The following PTPRN2 variants were observed in gnomAD, a reference collection of about 807,000 sequenced individuals.
The protein encoded by PTPRN2 is protein tyrosine phosphatase receptor type N2.
Under a neutral mutation model 118.8 loss-of-function variants are expected in PTPRN2, and 74 were observed. The ratio of observed to expected loss-of-function variants is 0.62; its 90% CI spans 0.52 to 0.76. The LOEUF is 0.76. Ranked by LOEUF, PTPRN2 falls within the 30% of genes least tolerant of loss-of-function variation. PTPRN2 has a pLI of 0.00. For missense variants in PTPRN2, 1,481 were observed against 1,394.4 expected (o/e 1.06, Z -0.99); for synonymous variants, 641 against 608.0 (o/e 1.05, Z -0.80).
At position 158,567,626 on chromosome 7, in the gene PTPRN2, G is replaced by C. The variant is rs368471532; in HGVS notation, c.112+19932C>G. The stretch of plus-strand genomic sequence containing the variant: ...CTGATTGGAAACACAGGGGAAAGCT[G>C]TCTTGGGCGGGGACATGGCCCTCGA... On this transcript the variant is annotated intron_variant, in intron 1 of 22. Transcript: ENST00000389418. Among the ~76,000 whole-genome samples, 22 of 152,322 alleles carry C rather than the reference G, an allele frequency of 1.4e-4. No homozygotes were observed. In the East Asian group the frequency reaches 3.7e-3, roughly 25 times the overall value.
At chr7:158,153,182 C>A (rs1217484992) in intron 6 of PTPRN2, among the ~76,000 whole-genome samples, 1 of 152,156 alleles carries the variant, frequency 6.6e-6, no homozygotes, top group East Asian at 1.9e-4. Context: ...ATCAAGCATT[C>A]GGACTCCAGG....
intron 3 of PTPRN2, among the ~76,000 whole-genome samples, chr7:158,244,558 T>TG (rs397698213): frequency 2.0e-5 from 3 of 150,506 alleles, no homozygotes; most frequent in Non-Finnish European, 3.0e-5. Context: ...TTTGTGTGTG[T>TG]TTTGTGTGAA....
intron 3 of PTPRN2, 136 bp downstream of exon 3, chr7:158,316,683 G>A (rs904020481): frequency 3.1e-5 from 20 of 652,592 alleles, no homozygotes; most frequent in South Asian, 8.0e-5. Context: ...CCCAGCGCCC[G>A]GCTCCCACCT....
At chr7:157,684,612 C>T (rs1341947528) in intron 12 of PTPRN2, among the ~76,000 whole-genome samples, 2 of 151,312 alleles carry the variant, frequency 1.3e-5, no homozygotes, top group South Asian at 2.1e-4. Context: ...CGCCCCCCTC[C>T]CTCCGGCCCA....
At chr7:158,069,914 C>G (rs975119691) in intron 11 of PTPRN2, among the ~76,000 whole-genome samples, 1 of 152,236 alleles carries the variant, frequency 6.6e-6, no homozygotes, top group Non-Finnish European at 1.5e-5. Flanking sequence ...ACTATTGGCC[C>G]TAGCTGACAG....
chr7:158,185,193 C>A (rs1489152590), intron 5 of PTPRN2, among the ~76,000 whole-genome samples: 1 of 151,992 alleles, frequency 6.6e-6, no homozygotes, highest in East Asian at 1.9e-4. Flanking sequence ...TAATAATCTG[C>A]AGTTTTCTTT....
At chr7:157,965,908 C>T (rs1355674871) in intron 11 of PTPRN2, among the ~76,000 whole-genome samples, 1 of 152,190 alleles carries the variant, frequency 6.6e-6, no homozygotes. Context: ...AGGAAGCCCT[C>T]GAGAGCCACT....
chr7:157,672,549 G>A lies in PTPRN2; in HGVS notation c.2001+10176C>T, dbSNP rs1243791213. Among the ~76,000 whole-genome samples, 3 of 152,114 alleles carry A rather than the reference G, an allele frequency of 2.0e-5. No homozygotes were observed. The East Asian group carries it at 5.8e-4, about 29-fold the overall frequency. On this transcript the variant is annotated intron_variant, in intron 13 of 22. Transcript: ENST00000389418. ...AGGCCAGGAAAGGTGATTCCAGGTC[G>A]GGAAAGGCCATTCCAGGAAGATTGC... is the stretch of plus-strand genomic sequence containing the variant.
At chr7:158,387,510 G>A (rs188132957) in intron 2 of PTPRN2, among the ~76,000 whole-genome samples, 69 of 762 alleles carry the variant, frequency 0.091, no homozygotes, top group Non-Finnish European at 0.038. Flanking sequence ...GGGTTACGAT[G>A]TTGGAAAGCA....
intron 2 of PTPRN2, among the ~76,000 whole-genome samples, chr7:158,359,878 T>C (rs540262126): frequency 2.0e-5 from 3 of 152,094 alleles, no homozygotes; most frequent in Non-Finnish European, 4.4e-5. Context: ...CACCTTAGCT[T>C]GGCCCCTCCT....
rs73510566 is a variant in PTPRN2, at chr7:158,548,662, C to A, written c.112+38896G>T. On this transcript the variant is annotated intron_variant, in intron 1 of 22. Coordinates refer to ENST00000389418, the MANE Select transcript of PTPRN2 (RefSeq NM_002847.5). ...GTGCCTTTTATGATAAAGGTGTTTTCTTCCTTTTCATCAGATACACTGGAT... is the reference window on the plus strand; with the variant it reads ...GTGCCTTTTATGATAAAGGTGTTTTATTCCTTTTCATCAGATACACTGGAT... Among the ~76,000 whole-genome samples, 520 of 152,310 alleles carry A rather than the reference C, an allele frequency of 3.4e-3. 8 individuals are homozygous for A. The highest frequency in any genetic ancestry group is 0.012 in the African/African-American group (503 of 41,564).
chr7:158,151,510 C>CCCCTGCCCACACCGCCCGCCTTTCTAT (rs1174838390), intron 6 of PTPRN2, among the ~76,000 whole-genome samples: 1 of 20,602 alleles, frequency 4.9e-5, no homozygotes. Context: ...CGCCTTTCTG[C>CCCCTGCCCACACCGCCCGCCTTTCTAT]TCCTCACCGC....
rs1490530208 is a variant in PTPRN2, at chr7:157,627,070, C to A, written c.2197-5561G>T. ...ACAAGTCTCCTCCACAACTCTTCTC[C>A]TTTTTTCACATCTCCCTCATTCTCC... On this transcript the variant is annotated intron_variant, in intron 14 of 22. Transcript: ENST00000389418. This position sits in a 1 kb window ranked among gnomAD's most constrained non-coding sequence, Gnocchi z 4.2. 6.6e-6 allele frequency among the ~76,000 whole-genome samples: 1 copy of A among 152,238 alleles called. No homozygotes were observed. Among genetic ancestry groups the A allele is most frequent in the African/African-American group, 2.4e-5 (1 of 41,468 alleles).
At chr7:157,952,879 A>C (rs1163697719) in intron 11 of PTPRN2, among the ~76,000 whole-genome samples, 1 of 152,178 alleles carries the variant, frequency 6.6e-6, no homozygotes, top group Non-Finnish European at 1.5e-5. Flanking sequence ...AGCAGACTTC[A>C]TATCACAGAG....
At chr7:158,437,303 A>C (rs900813400) in intron 2 of PTPRN2, among the ~76,000 whole-genome samples, 7 of 152,174 alleles carry the variant, frequency 4.6e-5, no homozygotes, top group Non-Finnish European at 7.3e-5. Flanking sequence ...TATAGAATCA[A>C]TTTTTCTGGT....
intron 2 of PTPRN2, among the ~76,000 whole-genome samples, chr7:158,333,916 C>T (rs1805037964): frequency 7.0e-6 from 1 of 142,240 alleles, no homozygotes; most frequent in Non-Finnish European, 1.5e-5. Context: ...ACGTCACTCA[C>T]ACCCACACTC....
chr7:158,263,205 C>A (rs753936602), intron 3 of PTPRN2, among the ~76,000 whole-genome samples: 1 of 152,182 alleles, frequency 6.6e-6, no homozygotes, highest in African/African-American at 2.4e-5. Flanking sequence ...ACTGCACATG[C>A]GGTACCTGTG....
At chr7:157,781,320 A>G (rs1468872015) in intron 12 of PTPRN2, among the ~76,000 whole-genome samples, 3 of 152,096 alleles carry the variant, frequency 2.0e-5, no homozygotes, top group East Asian at 3.9e-4. Flanking sequence ...ACCAAAACAT[A>G]TTTTCAGAAT....
At position 157,562,974 on chromosome 7, in the gene PTPRN2, G is replaced by A. The variant is rs866297951; in HGVS notation, c.2902+5928C>T. On this transcript the variant is annotated intron_variant, in intron 21 of 22. Coordinates refer to ENST00000389418, the MANE Select transcript of PTPRN2 (RefSeq NM_002847.5). ...CAGCAGATCAGGACCACGTGCTCCC[G>A]CTTCACCACACACAGCAGATCAGGA... Among the ~76,000 whole-genome samples the A allele has an allele frequency of 7.2e-4, 74 of 103,110 alleles. 9 individuals are homozygous for A. Among genetic ancestry groups the A allele is most frequent in the African/African-American group, 2.1e-3 (51 of 24,220 alleles). The allele number at this position is 103,110 out of a possible 152,430, so 67.6% of individuals were successfully genotyped here.
Sources: gnomAD v4.1 joint callset for allele counts (sites outside exome capture counted in the v4.1 genomes callset) on GRCh38, gnomAD v4.1.1 for gene constraint, Gnocchi (gnomAD v3.1) non-coding constraint, MANE v1.5 for transcripts, NCBI Gene and HGNC (gene_info 2026-07-23, HGNC 2026-07-21) for gene names.